Variants in GALNT13 observed in about 807,000 individuals in gnomAD.
The protein encoded by GALNT13 is polypeptide N-acetylgalactosaminyltransferase 13.
Under a neutral mutation model 64.2 loss-of-function variants are expected in GALNT13, and 28 were observed. The ratio of observed to expected loss-of-function variants is 0.44; its 90% CI spans 0.32 to 0.60. The LOEUF (loss-of-function observed/expected upper bound fraction) is 0.60. Among genes scored for constraint, GALNT13 ranks in the 20% least tolerant of loss-of-function variants. The probability of loss-of-function intolerance (pLI) is 0.05; values close to 1 mark genes in which losing one functional copy is unlikely to be tolerated. For missense variants in GALNT13, 577 were observed against 669.8 expected (o/e 0.86, Z 1.53); for synonymous variants, 214 against 224.6 (o/e 0.95, Z 0.42).
At chr2:154,378,360 A>G (rs1698098255) in intron 9 of GALNT13, among the ~76,000 whole-genome samples, 1 of 152,196 alleles carries the variant, frequency 6.6e-6, no homozygotes, top group Admixed American at 6.6e-5. Flanking sequence ...CAATAAGGAA[A>G]TACGTAACTA....
intron 2 of GALNT13, among the ~76,000 whole-genome samples, chr2:153,930,516 A>G (rs958959308): frequency 1.3e-5 from 2 of 152,062 alleles, no homozygotes; most frequent in African/African-American, 4.8e-5. Context: ...ATATGGTGAA[A>G]GGAATTTCAA....
At chr2:153,658,217 CA>C in the GALNT13 span, among the ~76,000 whole-genome samples, 1 of 152,118 alleles carries the variant, frequency 6.6e-6, no homozygotes, top group Admixed American at 6.6e-5. Flanking sequence ...CTCTATTCTT[CA>C]AAATGCTTGA....
At chr2:153,257,019 G>A in the GALNT13 span, among the ~76,000 whole-genome samples, 1 of 152,250 alleles carries the variant, frequency 6.6e-6, no homozygotes, top group Non-Finnish European at 1.5e-5. Flanking sequence ...ACCTAATCAA[G>A]TCTGGGCAAT....
the GALNT13 span, among the ~76,000 whole-genome samples, chr2:153,131,941 G>T: frequency 2.6e-4 from 40 of 152,128 alleles, no homozygotes; most frequent in Non-Finnish European, 5.4e-4. Context: ...ATCTAGAAGA[G>T]TGACCTTACT....
the GALNT13 span, among the ~76,000 whole-genome samples, chr2:153,377,778 A>G: frequency 5.9e-5 from 9 of 152,192 alleles, no homozygotes; most frequent in African/African-American, 2.2e-4. Context: ...ACAGCCCTAG[A>G]AAACGAATAC....
chr2:153,335,465 G>C, the GALNT13 span, among the ~76,000 whole-genome samples: 1 of 152,210 alleles, frequency 6.6e-6, no homozygotes, highest in Non-Finnish European at 1.5e-5. Flanking sequence ...AACTTGTTGG[G>C]AACTGGAGCA....
At chr2:153,765,065 T>G in the GALNT13 span, among the ~76,000 whole-genome samples, 1 of 152,342 alleles carries the variant, frequency 6.6e-6, no homozygotes, top group East Asian at 1.9e-4. Flanking sequence ...GACGTAGTCC[T>G]CATGAAAAAT....
chr2:153,395,011 G>T, the GALNT13 span, among the ~76,000 whole-genome samples: 1 of 152,078 alleles, frequency 6.6e-6, no homozygotes, highest in Non-Finnish European at 1.5e-5. Flanking sequence ...TTGCATTACC[G>T]AGGTCCCTGT....
intron 3 of GALNT13, among the ~76,000 whole-genome samples, chr2:154,058,050 C>T (rs1172521623): frequency 6.6e-6 from 1 of 152,092 alleles, no homozygotes; most frequent in African/African-American, 2.4e-5. Flanking sequence ...TAGGCTCCTG[C>T]CCCCAATGTT....
intron 3 of GALNT13, among the ~76,000 whole-genome samples, chr2:154,053,375 CACTTA>C (rs1699741428): frequency 6.6e-6 from 1 of 151,494 alleles, no homozygotes; most frequent in African/African-American, 2.4e-5. Context: ...TATTTCCCTT[CACTTA>C]ACTTTTTTTT....
intron 12 of GALNT13, among the ~76,000 whole-genome samples, chr2:154,440,570 G>A (rs1025152531): frequency 6.6e-6 from 1 of 151,972 alleles, no homozygotes; most frequent in African/African-American, 2.4e-5. Flanking sequence ...ATAATATTTT[G>A]TGTCATGTTT....
At chr2:153,290,698 T>G in the GALNT13 span, among the ~76,000 whole-genome samples, 1 of 152,220 alleles carries the variant, frequency 6.6e-6, no homozygotes, top group African/African-American at 2.4e-5. Flanking sequence ...GCTTTAAAAA[T>G]TCCTACATAT....
At chr2:154,032,940 T>C (rs1185400164) in intron 3 of GALNT13, among the ~76,000 whole-genome samples, 1 of 151,506 alleles carries the variant, frequency 6.6e-6, no homozygotes, top group Non-Finnish European at 1.5e-5. Context: ...TTTTAGGATT[T>C]GTTTTATAGA....
At chr2:153,723,371 G>A in the GALNT13 span, among the ~76,000 whole-genome samples, 14 of 150,680 alleles carry the variant, frequency 9.3e-5, no homozygotes, top group African/African-American at 3.5e-4. Context: ...AAAACTGGAA[G>A]CATTCCCTTT....
At chr2:154,225,537 A>G (rs1688570583) in intron 4 of GALNT13, among the ~76,000 whole-genome samples, 3 of 152,134 alleles carry the variant, frequency 2.0e-5, no homozygotes, top group Admixed American at 2.0e-4. Flanking sequence ...GTGAAAAAAT[A>G]CATGCACAAG....
At chr2:153,692,413 A>G in the GALNT13 span, among the ~76,000 whole-genome samples, 1 of 152,334 alleles carries the variant, frequency 6.6e-6, no homozygotes, top group East Asian at 1.9e-4. Context: ...CCATCTTTAA[A>G]GACTTGAAAG....
chr2:154,261,885 T>G (rs1373963410), intron 8 of GALNT13, among the ~76,000 whole-genome samples: 1 of 152,060 alleles, frequency 6.6e-6, no homozygotes, highest in East Asian at 1.9e-4. Flanking sequence ...TCTACATAGG[T>G]TCTAGTCTAA....
the GALNT13 span, among the ~76,000 whole-genome samples, chr2:153,857,316 G>A: frequency 6.6e-6 from 1 of 152,042 alleles, no homozygotes; most frequent in African/African-American, 2.4e-5. Flanking sequence ...ACTGATACAA[G>A]GATTTATGCA....
the GALNT13 span, among the ~76,000 whole-genome samples, chr2:153,803,713 A>AAC: frequency 4.2e-5 from 6 of 143,364 alleles, no homozygotes; most frequent in South Asian, 2.1e-4. Context: ...AAAAAAGAAA[A>AAC]AGAAAAAAGA....
Sources: allele counts gnomAD v4.1 joint callset (sites outside exome capture counted in the v4.1 genomes callset), GRCh38; gene constraint gnomAD v4.1.1; transcripts MANE v1.5; gene names NCBI Gene and HGNC (gene_info 2026-07-23, HGNC 2026-07-21).